Variants in NEIL2 observed in about 807,000 individuals in gnomAD.
The protein encoded by NEIL2 is nei like DNA glycosylase 2.
In NEIL2, 23 loss-of-function variants were observed where a neutral mutation model predicts 22.2. The ratio of observed to expected loss-of-function variants is 1.04; its 90% CI spans 0.75 to 1.47. NEIL2 has a LOEUF of 1.47. NEIL2 is among the 40% of genes most tolerant of loss of function. The pLI is 0.00. For missense variants in NEIL2, 583 were observed against 404.7 expected (o/e 1.44, Z -3.78); for synonymous variants, 229 against 164.8 (o/e 1.39, Z -2.99).
intron 4 of NEIL2, among the ~76,000 whole-genome samples, 159 bp downstream of exon 4, chr8:11,783,558 A>C (rs2130533723): frequency 6.6e-6 from 1 of 152,270 alleles, no homozygotes; most frequent in South Asian, 2.1e-4. Flanking sequence ...CCTTGTTTTT[A>C]GACTGAGGGC....
At chr8:11,777,550 C>T (rs1804017578) in intron 2 of NEIL2, among the ~76,000 whole-genome samples, 1 of 152,196 alleles carries the variant, frequency 6.6e-6, no homozygotes, top group Admixed American at 6.5e-5. Flanking sequence ...TCCCTCCCTG[C>T]AGCCCCTGGC....
At position 11,783,328 on chromosome 8, in the gene NEIL2, C is replaced by G. The variant is rs1804612198; in HGVS notation, c.617C>G (p.Ala206Gly). The G allele has an allele frequency of 3.1e-6, 5 of 1,614,188 alleles. No homozygotes were observed. Among genetic ancestry groups the G allele is most frequent in the East Asian group, 2.2e-5 (1 of 44,882 alleles). ...TCTGAGAAGTTCCATCGAGGACAAG[C>G]CTTAGAAGCTCTAGGCCAGGCTCAG... Reference protein sequence around the residue: ...ILSEKFHRGQALEALGQAQPV... With the variant: ...ILSEKFHRGQGLEALGQAQPV... The change falls in exon 4 of 5, where the codon GCC becomes GGC. Residue 206 changes from alanine to glycine, a missense_variant. Physicochemically the swap from Ala to Gly is moderately conservative, Grantham distance 60. Coordinates refer to ENST00000284503, the MANE Select transcript of NEIL2 (RefSeq NM_145043.4).
Position 11,785,981 on chromosome 8 carries a change from A to T in NEIL2, c.707A>T (p.Glu236Val). Reference sequence around the variant, plus strand: ...ATTTCAGGGAACATCATTAAGAATGAAGCCTTGTACAGAGCTGGGATCCAT... The same window carrying T: ...ATTTCAGGGAACATCATTAAGAATGTAGCCTTGTACAGAGCTGGGATCCAT... ...FSGLGNIIKN[E>V]ALYRAGIHPL... The change falls in exon 5 of 5, where the codon GAA becomes GTA. Residue 236 changes from glutamate to valine, a missense_variant. By Grantham distance (121) the Glu-to-Val change is moderately radical. Coordinates refer to ENST00000284503, the MANE Select transcript of NEIL2 (RefSeq NM_145043.4). 1 of 1,614,058 alleles carries T rather than the reference A, an allele frequency of 6.2e-7. No homozygotes were observed.
At chr8:11,783,065 A>G in intron 3 of NEIL2, 138 bp from the exon 4 acceptor site, 1 of 759,446 alleles carries the variant, frequency 1.3e-6, no homozygotes, top group Non-Finnish European at 2.4e-6. Flanking sequence ...GTATGTGTGT[A>G]TGATCCAGCC....
intron 1 of NEIL2, 54 bp from the exon 2 acceptor site, chr8:11,771,392 G>A (rs557720135): frequency 1.2e-6 from 2 of 1,609,296 alleles, no homozygotes; most frequent in Non-Finnish European, 8.5e-7. Flanking sequence ...TGTTAAAGAT[G>A]CTAGAGATAA....
chr8:11,776,608 C>A (rs919287354), intron 2 of NEIL2, among the ~76,000 whole-genome samples: 1 of 152,074 alleles, frequency 6.6e-6, no homozygotes, highest in Non-Finnish European at 1.5e-5. Flanking sequence ...TTTTTAGTGT[C>A]TTCTGTAGTG....
intron 2 of NEIL2, among the ~76,000 whole-genome samples, chr8:11,775,398 T>C (rs979980091): frequency 6.6e-6 from 1 of 152,194 alleles, no homozygotes; most frequent in Non-Finnish European, 1.5e-5. Flanking sequence ...GTCCCTAGGC[T>C]GCACACAGCA....
chr8:11,783,205 T>C lies in NEIL2; in HGVS notation c.494T>C (p.Leu165Ser). The change falls in exon 4 of 5, where the codon TTG becomes TCG. Residue 165 changes from leucine (L) to serine (S), a missense_variant and splice_region_variant. By Grantham distance (145) the Leu-to-Ser change is moderately radical. Transcript: ENST00000284503. ...TATGACCTGTTCTTTCTTCCCAGGT[T>C]GGTCCTGCACTTTGGTGGTGGTGGC... ...RGDWRDPSPR[L>S]VLHFGGGGFL... 6.2e-7 allele frequency: 1 copy of C among 1,614,206 alleles called. No individual in the cohort carries two copies. The highest frequency in any genetic ancestry group is 8.5e-7 in the Non-Finnish European group (1 of 1,179,988).
intron 3 of NEIL2, among the ~76,000 whole-genome samples, chr8:11,782,047 G>C (rs759451765): frequency 2.6e-5 from 4 of 152,016 alleles, no homozygotes; most frequent in African/African-American, 7.3e-5. Flanking sequence ...CTGGGCAACA[G>C]AGCAAGACCC....
Position 11,782,183 on chromosome 8 carries a change from G to A in NEIL2, c.492-1020G>A, listed in dbSNP as rs183768587. On this transcript the variant is annotated intron_variant, in intron 3 of 4. Coordinates refer to ENST00000284503, the MANE Select transcript of NEIL2 (RefSeq NM_145043.4). ...CACACCTGTAATCCCAGCACTTTACGAGGCCGAGGCAGGTGGATCACCTGA... is the reference window on the plus strand; with the variant it reads ...CACACCTGTAATCCCAGCACTTTACAAGGCCGAGGCAGGTGGATCACCTGA... Among the ~76,000 whole-genome samples the A allele has an allele frequency of 4.6e-5, 7 of 152,208 alleles. No homozygotes were observed. The East Asian group carries it at 7.7e-4, about 17-fold the overall frequency.
At chr8:11,778,571 T>G (rs939317457) in intron 2 of NEIL2, among the ~76,000 whole-genome samples, 5 of 152,158 alleles carry the variant, frequency 3.3e-5, no homozygotes, top group African/African-American at 1.2e-4. Flanking sequence ...CTTGAAAGAC[T>G]GCCTGAATTT....
At chr8:11,780,458 G>A (rs1267993981) in intron 3 of NEIL2, among the ~76,000 whole-genome samples, 2 of 152,186 alleles carry the variant, frequency 1.3e-5, no homozygotes, top group African/African-American at 2.4e-5. Flanking sequence ...TCGCCTCACT[G>A]CAACCTCTGC....
chr8:11,785,144 T>A (rs1282911399), intron 4 of NEIL2, among the ~76,000 whole-genome samples: 1 of 152,130 alleles, frequency 6.6e-6, no homozygotes, highest in African/African-American at 2.4e-5. Flanking sequence ...AGTGCTGGGA[T>A]TACAGGCGTG....
intron 4 of NEIL2, 101 bp from the exon 5 acceptor site, chr8:11,785,862 A>C: frequency 1.0e-5 from 11 of 1,083,072 alleles, no homozygotes; most frequent in Non-Finnish European, 1.6e-5. Context: ...AGGGTCCCCC[A>C]GGACATGGAA....
chr8:11,785,901 G>C, intron 4 of NEIL2, 62 bp from the exon 5 acceptor site: 3 of 1,470,420 alleles, frequency 2.0e-6, no homozygotes, highest in Admixed American at 1.7e-5. Context: ...TTAACTTTGT[G>C]GGTGGTTTCA....
intron 3 of NEIL2, among the ~76,000 whole-genome samples, chr8:11,782,105 T>C (rs8191627): frequency 2.0e-5 from 3 of 151,914 alleles, no homozygotes; most frequent in Non-Finnish European, 4.4e-5. Context: ...ATATCCTTTC[T>C]ATATGGAAAG....
At position 11,771,494 on chromosome 8, in the gene NEIL2, C is replaced by G. The variant is rs781188575; in HGVS notation, c.47C>G (p.Pro16Arg). 1.2e-6 allele frequency: 2 copies of G among 1,614,096 alleles called. No homozygotes were observed. Among genetic ancestry groups the G allele is most frequent in the Non-Finnish European group, 8.5e-7 (1 of 1,180,030 alleles). Residue 16 changes from proline (P) to arginine (R), a missense_variant, in exon 2 of 5, where the codon CCC (proline) becomes CGC (arginine). Coordinates refer to ENST00000284503, the MANE Select transcript of NEIL2 (RefSeq NM_145043.4). ...AGGAAATTTCACCATTTGGTCTCCCCCTTTGTGGGTCAGCAGGTGGTCAAG... is the reference window on the plus strand; with the variant it reads ...AGGAAATTTCACCATTTGGTCTCCCGCTTTGTGGGTCAGCAGGTGGTCAAG... The part of the protein sequence containing the change: ...LVRKFHHLVS[P>R]FVGQQVVKTG...
intron 3 of NEIL2, 108 bp downstream of exon 3, chr8:11,780,058 C>T: frequency 1.1e-6 from 1 of 903,444 alleles, no homozygotes; most frequent in African/African-American, 1.6e-5. Context: ...TCCAGTCTGC[C>T]CCCCAGGGCC....
intron 2 of NEIL2, among the ~76,000 whole-genome samples, chr8:11,776,069 C>T (rs1199073462): frequency 1.3e-5 from 2 of 152,186 alleles, no homozygotes; most frequent in African/African-American, 4.8e-5. Context: ...TGTTCTCATG[C>T]TGCTGATAAA....
Sources: allele counts gnomAD v4.1 joint callset (sites outside exome capture counted in the v4.1 genomes callset), GRCh38; gene constraint gnomAD v4.1.1; transcripts MANE v1.5; gene names NCBI Gene and HGNC (gene_info 2026-07-23, HGNC 2026-07-21).